FHOD3: variants seen among roughly 807,000 people sequenced by gnomAD.
The protein encoded by FHOD3 is FH1/FH2 domain-containing protein 3.
A neutral mutation model predicts 173.0 loss-of-function variants in FHOD3; 90 were observed. That is an observed-to-expected ratio of 0.52 (90% CI 0.44 to 0.62). The LOEUF is 0.62. FHOD3 is among the 20% of genes least tolerant of loss of function. The pLI, the probability that FHOD3 is intolerant of heterozygous loss-of-function variation, is 0.00. For missense variants in FHOD3, 1,945 were observed against 2,034.7 expected (o/e 0.96, Z 0.85); for synonymous variants, 828 against 823.0 (o/e 1.01, Z -0.10).
At chr18:36,369,498 C>CACACACACACAT (rs1555682884) in intron 2 of FHOD3, among the ~76,000 whole-genome samples, 2 of 95,988 alleles carry the variant, frequency 2.1e-5, no homozygotes, top group African/African-American at 4.5e-5. Context: ...CACACACACA[C>CACACACACACAT]ATATATATAG....
At chr18:36,724,140 G>T (rs186027399) in intron 19 of FHOD3, among the ~76,000 whole-genome samples, 1 of 152,362 alleles carries the variant, frequency 6.6e-6, no homozygotes, top group East Asian at 1.9e-4. Flanking sequence ...CCGAAAGCCT[G>T]ACTCGGGCAT....
chr18:36,374,448 G>A (rs1419433337), intron 3 of FHOD3, among the ~76,000 whole-genome samples: 1 of 152,162 alleles, frequency 6.6e-6, no homozygotes, highest in African/African-American at 2.4e-5. Flanking sequence ...TAATGAAATA[G>A]TACCAAATAT....
intron 3 of FHOD3, among the ~76,000 whole-genome samples, chr18:36,473,645 A>C (rs2053405818): frequency 6.6e-6 from 1 of 152,206 alleles, no homozygotes; most frequent in Non-Finnish European, 1.5e-5. Context: ...AATATTAATA[A>C]CTTCCAATAA....
At chr18:36,492,416 C>T (rs1326811744) in intron 3 of FHOD3, among the ~76,000 whole-genome samples, 6 of 152,074 alleles carry the variant, frequency 3.9e-5, no homozygotes, top group African/African-American at 1.4e-4. Flanking sequence ...AAGTATTGGG[C>T]AAAAGTTTGT....
intron 14 of FHOD3, among the ~76,000 whole-genome samples, chr18:36,679,344 TA>T (rs1003446214): frequency 2.0e-5 from 3 of 152,076 alleles, no homozygotes; most frequent in African/African-American, 7.2e-5. Flanking sequence ...TTCACAATTA[TA>T]AACCAGCTTT....
intron 3 of FHOD3, among the ~76,000 whole-genome samples, chr18:36,437,703 C>T (rs1413195545): frequency 4.0e-5 from 5 of 123,884 alleles, no homozygotes; most frequent in African/African-American, 1.5e-4. Flanking sequence ...CTTGCTCTGT[C>T]GCCAGGCTGG....
At chr18:36,642,917 G>A (rs1259944374) in intron 10 of FHOD3, among the ~76,000 whole-genome samples, 4 of 150,084 alleles carry the variant, frequency 2.7e-5, no homozygotes, top group Non-Finnish European at 5.9e-5. Flanking sequence ...TTTTTTTTCT[G>A]TACTTCAATG....
chr18:36,724,577 C>T (rs943101535), intron 19 of FHOD3, among the ~76,000 whole-genome samples: 4 of 152,196 alleles, frequency 2.6e-5, no homozygotes, highest in African/African-American at 9.7e-5. Flanking sequence ...TGGACCCAGT[C>T]CCTGAGTTGC....
chr18:36,656,545 C>T (rs1308940754), intron 13 of FHOD3, among the ~76,000 whole-genome samples: 1 of 152,102 alleles, frequency 6.6e-6, no homozygotes, highest in Non-Finnish European at 1.5e-5. Context: ...CGGGTCGTAT[C>T]AATATTTTAT....
chr18:36,584,533 TC>T (rs1239297131), intron 6 of FHOD3, among the ~76,000 whole-genome samples: 1 of 152,228 alleles, frequency 6.6e-6, no homozygotes, highest in Non-Finnish European at 1.5e-5. Flanking sequence ...CTTAAATCCA[TC>T]CTTGATATTG....
At chr18:36,589,570 C>A (rs1025211070) in intron 6 of FHOD3, among the ~76,000 whole-genome samples, 1 of 152,124 alleles carries the variant, frequency 6.6e-6, no homozygotes, top group Non-Finnish European at 1.5e-5. Flanking sequence ...CTCAGCAACC[C>A]GGCACTCAAG....
At chr18:36,659,509 A>C (rs2036636073) in intron 14 of FHOD3, among the ~76,000 whole-genome samples, 1 of 152,230 alleles carries the variant, frequency 6.6e-6, no homozygotes, top group South Asian at 2.1e-4. Context: ...TTTGGGGCCA[A>C]AGTGAGTAAT....
intron 3 of FHOD3, among the ~76,000 whole-genome samples, chr18:36,449,497 A>G (rs1409832185): frequency 6.6e-6 from 1 of 152,172 alleles, no homozygotes; most frequent in Admixed American, 6.5e-5. Context: ...CAGAATTGGA[A>G]CACAGGTCCA....
intron 19 of FHOD3, among the ~76,000 whole-genome samples, chr18:36,722,011 A>G (rs2040820339): frequency 1.3e-5 from 2 of 152,332 alleles, no homozygotes; most frequent in African/African-American, 4.8e-5. Context: ...GTGACCACCT[A>G]ATGAAAAAAT....
intron 5 of FHOD3, among the ~76,000 whole-genome samples, chr18:36,535,408 T>C (rs2056956111): frequency 6.6e-6 from 1 of 152,194 alleles, no homozygotes; most frequent in Non-Finnish European, 1.5e-5. Context: ...AACAGTCACT[T>C]CCTAGTTTCT....
At chr18:36,363,175 G>A (rs1249418478) in intron 2 of FHOD3, among the ~76,000 whole-genome samples, 2 of 152,174 alleles carry the variant, frequency 1.3e-5, no homozygotes, top group African/African-American at 2.4e-5. Context: ...GGAGCAACAG[G>A]AACACTCATT....
chr18:36,519,489 G>C (rs561711339), intron 5 of FHOD3, among the ~76,000 whole-genome samples: 2 of 152,194 alleles, frequency 1.3e-5, no homozygotes, highest in African/African-American at 4.8e-5. Context: ...TTGGAGGAGG[G>C]TGGTTTGGAG....
At chr18:36,352,361 T>G (rs756960422) in intron 1 of FHOD3, among the ~76,000 whole-genome samples, 3 of 152,212 alleles carry the variant, frequency 2.0e-5, no homozygotes, top group Non-Finnish European at 4.4e-5. Context: ...ACATTCACAG[T>G]GTGTCACTTC....
In FHOD3 at chr18:36,777,098, T is replaced by C. The variant is rs867988121; in HGVS notation, c.4787-2350T>C. 7.9e-5 allele frequency among the ~76,000 whole-genome samples: 12 copies of C among 152,062 alleles called. No homozygotes were observed. In the South Asian group the frequency reaches 2.3e-3, roughly 29 times the overall value. ...CATTCAGCCACAATATATACCTAAA[T>C]GGACAAAGATTCATAGACTGATGTC... On this transcript the variant is annotated intron_variant, in intron 28 of 28. Coordinates refer to ENST00000590592, the MANE Select transcript of FHOD3 (RefSeq NM_001281740.3).
Sources: gnomAD v4.1 joint callset for allele counts (sites outside exome capture counted in the v4.1 genomes callset) on GRCh38, gnomAD v4.1.1 for gene constraint, MANE v1.5 for transcripts, NCBI Gene and HGNC (gene_info 2026-07-23, HGNC 2026-07-21) for gene names.